Variants in WWOX observed in about 807,000 individuals in gnomAD.
The protein encoded by WWOX is WW domain containing oxidoreductase.
A neutral mutation model predicts 46.2 loss-of-function variants in WWOX; 69 were observed. The observed-to-expected ratio is 1.49, with a 90% CI of 1.23 to 1.82. The LOEUF is 1.82. Among genes scored for constraint, WWOX ranks in the 40% most tolerant of loss-of-function variants. WWOX has a pLI of 0.00. For missense variants in WWOX, 919 were observed against 542.6 expected, an observed-to-expected ratio of 1.69 and a Z score of -6.89; for synonymous variants, 359 against 202.6, an observed-to-expected ratio of 1.77 and a Z score of -6.56.
intron 8 of WWOX, among the ~76,000 whole-genome samples, chr16:79,197,561 T>G (rs1264286838): frequency 1.3e-5 from 2 of 152,080 alleles, no homozygotes; most frequent in African/African-American, 2.4e-5. Context: ...GCAAAGCAAT[T>G]CATGGGAAAG....
chr16:78,384,932 G>C (rs989813559), intron 5 of WWOX, among the ~76,000 whole-genome samples: 3 of 152,058 alleles, frequency 2.0e-5, no homozygotes, highest in Admixed American at 2.0e-4. Context: ...TCAAGAGATT[G>C]AGACCATCCT....
chr16:79,127,206 A>C (rs1177684718), intron 8 of WWOX, among the ~76,000 whole-genome samples: 3 of 151,854 alleles, frequency 2.0e-5, no homozygotes, highest in Admixed American at 6.6e-5. Flanking sequence ...ACACACACAC[A>C]CCTATGTTTT....
At chr16:78,771,678 A>T (rs1343851933) in intron 8 of WWOX, among the ~76,000 whole-genome samples, 1 of 152,124 alleles carries the variant, frequency 6.6e-6, no homozygotes, top group African/African-American at 2.4e-5. Context: ...AGGCTGAAGC[A>T]GGAGAATTGC....
chr16:78,361,935 A>C (rs1378096238), intron 5 of WWOX, among the ~76,000 whole-genome samples: 1 of 149,102 alleles, frequency 6.7e-6, no homozygotes, highest in Non-Finnish European at 1.5e-5. Context: ...TTTCTGATTC[A>C]ATTACTTTAT....
At chr16:78,753,831 T>A (rs867684959) in intron 8 of WWOX, among the ~76,000 whole-genome samples, 823 of 81,546 alleles carry the variant, frequency 0.01, 13 homozygotes, top group African/African-American at 0.038. Flanking sequence ...AAAAAATATA[T>A]ATATATATAT....
chr16:79,046,997 C>T (rs1246484443), intron 8 of WWOX, among the ~76,000 whole-genome samples: 3 of 152,160 alleles, frequency 2.0e-5, no homozygotes, highest in African/African-American at 7.2e-5. Flanking sequence ...GTGGTTTAAA[C>T]AATAAAGCAA....
At chr16:79,147,580 A>G (rs557481937) in intron 8 of WWOX, among the ~76,000 whole-genome samples, 3 of 152,328 alleles carry the variant, frequency 2.0e-5, no homozygotes, top group African/African-American at 4.8e-5. Flanking sequence ...TTGTGTAAAT[A>G]GAAGTTTTCT....
chr16:78,915,613 A>G (rs955626078), intron 8 of WWOX, among the ~76,000 whole-genome samples: 2 of 152,192 alleles, frequency 1.3e-5, no homozygotes, highest in Admixed American at 1.3e-4. Context: ...TAGCAAAATA[A>G]CAGACAGTGT....
chr16:79,050,083 C>T (rs886966356), intron 8 of WWOX, among the ~76,000 whole-genome samples: 2 of 152,104 alleles, frequency 1.3e-5, no homozygotes, highest in African/African-American at 4.8e-5. Flanking sequence ...GAAGCATAGG[C>T]CAGTGACTTG....
At chr16:78,240,071 T>G (rs1429108085) in intron 5 of WWOX, among the ~76,000 whole-genome samples, 1 of 152,102 alleles carries the variant, frequency 6.6e-6, no homozygotes, top group Non-Finnish European at 1.5e-5. Flanking sequence ...GAATCACAGA[T>G]GTAACGTTAT....
At chr16:78,640,568 A>G (rs1302455567) in intron 8 of WWOX, among the ~76,000 whole-genome samples, 1 of 152,150 alleles carries the variant, frequency 6.6e-6, no homozygotes, top group African/African-American at 2.4e-5. Flanking sequence ...TGTACAGCAA[A>G]CCACCATGGC....
chr16:78,171,010 T>C (rs564435397), intron 5 of WWOX, among the ~76,000 whole-genome samples: 3 of 152,156 alleles, frequency 2.0e-5, no homozygotes, highest in Non-Finnish European at 4.4e-5. Context: ...AGTGAAGGGA[T>C]AGGGATAGTA....
At chr16:78,783,275 C>G (rs745656997) in intron 8 of WWOX, among the ~76,000 whole-genome samples, 8 of 152,230 alleles carry the variant, frequency 5.3e-5, no homozygotes, top group African/African-American at 1.7e-4. Flanking sequence ...CTGTTAAGCT[C>G]TCCTTACAGT....
At chr16:78,748,628 A>T (rs1457465710) in intron 8 of WWOX, among the ~76,000 whole-genome samples, 1 of 152,182 alleles carries the variant, frequency 6.6e-6, no homozygotes, top group Non-Finnish European at 1.5e-5. Flanking sequence ...CAGCTGCATG[A>T]AGTCACTGGG....
At chr16:79,116,382 C>G (rs2049516176) in intron 8 of WWOX, among the ~76,000 whole-genome samples, 1 of 152,208 alleles carries the variant, frequency 6.6e-6, no homozygotes. Flanking sequence ...CTCTCAAACT[C>G]GCCACTGCTT....
intron 6 of WWOX, among the ~76,000 whole-genome samples, chr16:78,395,308 C>A (rs538321580): frequency 6.6e-6 from 1 of 152,142 alleles, no homozygotes; most frequent in Middle Eastern, 3.2e-3. Context: ...TGCTTGAGTT[C>A]CGGAGTTTGA....
chr16:78,293,231 A>G (rs912079792), intron 5 of WWOX, among the ~76,000 whole-genome samples: 2 of 152,206 alleles, frequency 1.3e-5, no homozygotes, highest in African/African-American at 4.8e-5. Context: ...CAGGGATTAT[A>G]CATTTACCTC....
intron 8 of WWOX, among the ~76,000 whole-genome samples, chr16:78,665,053 A>G (rs1243059646): frequency 6.6e-6 from 1 of 152,164 alleles, no homozygotes; most frequent in East Asian, 1.9e-4. Context: ...ATTACACTAC[A>G]AAGGGCTGCC....
intron 4 of WWOX, among the ~76,000 whole-genome samples, chr16:78,117,379 C>T (rs1891402757): frequency 6.6e-6 from 1 of 152,042 alleles, no homozygotes; most frequent in African/African-American, 2.4e-5. Context: ...GTCACCTCAC[C>T]CCATTCCCCT....
Sources: gnomAD v4.1 joint callset for allele counts (sites outside exome capture counted in the v4.1 genomes callset) on GRCh38, gnomAD v4.1.1 for gene constraint, MANE v1.5 for transcripts, NCBI Gene and HGNC (gene_info 2026-07-23, HGNC 2026-07-21) for gene names.